The following KCNAB2 variants were observed in gnomAD, a reference collection of about 807,000 sequenced individuals.
KCNAB2 encodes the protein voltage-gated potassium channel subunit beta-2.
KCNAB2 carries 29 observed loss-of-function variants against 63.6 expected under a neutral mutation model. The ratio of observed to expected loss-of-function variants is 0.46; its 90% CI spans 0.34 to 0.62. The LOEUF is 0.62. Among genes scored for constraint, KCNAB2 ranks in the 20% least tolerant of loss-of-function variants. The pLI, the probability that KCNAB2 is intolerant of heterozygous loss-of-function variation, is 0.01. For synonymous variants in KCNAB2, 222 were observed against 224.2 expected (o/e 0.99, Z 0.09); for missense variants, 359 against 563.9 (o/e 0.64, Z 3.68).
rs572711102 is a variant in KCNAB2 at position 6,003,937 on chromosome 1, C to G, written c.-53+11149C>G. ...GCTGCCTTTCAAATTGCTGCCGCAG[C>G]GCTGCCTGGCAAGATGTTAATCGTT... On this transcript the variant is annotated intron_variant, in intron 1 of 16. Coordinates refer to the KCNAB2 transcript ENST00000341524. This position sits in a 1 kb window ranked among gnomAD's most constrained non-coding sequence, Gnocchi z 4.1. 3.9e-5 allele frequency among the ~76,000 whole-genome samples: 6 copies of G among 152,326 alleles called. No individual in the cohort carries two copies. The highest frequency in any genetic ancestry group is 1.4e-4 in the African/African-American group (6 of 41,564).
rs146910934 is a variant in KCNAB2, at chr1:6,097,273, G to C, written c.1074G>C (p.Trp358Cys). Residue 358 changes from tryptophan (W) to cysteine (C), a missense_variant, in exon 15 of 16, where the codon TGG becomes TGC. Transcript: ENST00000378083. ...GCTLPQLAIA[W>C]CLRNEGVSSV... ...CCTTGGGTCTCGCCGCCACAGCCTG[G>C]TGCCTGAGGAATGAGGGAGTCAGCT... is the stretch of plus-strand genomic sequence containing the variant. 1.9e-6 allele frequency: 3 copies of C among 1,545,816 alleles called. No homozygotes were observed. Among genetic ancestry groups the C allele is most frequent in the Non-Finnish European group, 2.6e-6 (3 of 1,143,308 alleles).
intron 1 of KCNAB2, among the ~76,000 whole-genome samples, chr1:5,998,747 C>T (rs1016690800): frequency 3.3e-5 from 5 of 152,166 alleles, no homozygotes; most frequent in African/African-American, 1.2e-4. Context: ...AGCGAGGGGG[C>T]GCAGGACCCC....
chr1:6,007,201 T>TG (rs34064079), intron 1 of KCNAB2, among the ~76,000 whole-genome samples: 69,407 of 151,896 alleles, frequency 0.46, 16,165 homozygotes, highest in East Asian at 0.59. Flanking sequence ...AGTCACTGCA[T>TG]GGGGGGGGCT....
intron 1 of KCNAB2, among the ~76,000 whole-genome samples, chr1:6,001,489 G>C (rs1046227187): frequency 6.6e-6 from 1 of 152,148 alleles, no homozygotes; most frequent in Non-Finnish European, 1.5e-5. Flanking sequence ...TGATAATCAT[G>C]ATCACCGGTT....
chr1:6,100,263 C>T lies in KCNAB2; in HGVS notation c.*1689C>T. 3.6e-6 allele frequency: 2 copies of T among 557,182 alleles called. No individual in the cohort carries two copies. Among genetic ancestry groups the T allele is most frequent in the South Asian group, 4.1e-5 (1 of 24,368 alleles). 34.5% of individuals were successfully genotyped at this position (557,182 alleles called of 1,614,324 possible). A position where few individuals can be genotyped will look rare whatever the true frequency, so the allele number is the denominator to read the frequency against. On this transcript the variant is annotated 3_prime_UTR_variant, in exon 16 of 16. Coordinates refer to ENST00000378083, the MANE Select transcript of KCNAB2 (RefSeq NM_001199862.2). ...GCTTCTGCTATTACCGACCCCCCTTCATGCTGCCCCTGGCGCCTAGAACCC... is the reference window on the plus strand; with the variant it reads ...GCTTCTGCTATTACCGACCCCCCTTTATGCTGCCCCTGGCGCCTAGAACCC...
chr1:6,079,708 T>C (rs1664036173), intron 4 of KCNAB2, among the ~76,000 whole-genome samples: 1 of 152,072 alleles, frequency 6.6e-6, no homozygotes, highest in Admixed American at 6.5e-5. Context: ...GTGCTGGGGC[T>C]GGAGGCAGGG....
chr1:6,027,843 A>C (rs1178588718), intron 1 of KCNAB2, among the ~76,000 whole-genome samples: 2 of 152,230 alleles, frequency 1.3e-5, no homozygotes, highest in African/African-American at 4.8e-5. Flanking sequence ...CCCTCGGCTC[A>C]GGCCTCAGGA....
At chr1:6,010,818 G>A (rs1198661856) in intron 1 of KCNAB2, among the ~76,000 whole-genome samples, 1 of 152,176 alleles carries the variant, frequency 6.6e-6, no homozygotes, top group Admixed American at 6.5e-5. Context: ...CTCGAGTGTT[G>A]AAGATTTAAC....
intron 13 of KCNAB2, 34 bp downstream of exon 13, chr1:6,095,658 G>A (rs1665557443): frequency 6.3e-7 from 1 of 1,599,832 alleles, no homozygotes; most frequent in East Asian, 2.2e-5. Flanking sequence ...GGGACGGGCA[G>A]GGGATAGGCA....
Position 6,094,434 on chromosome 1 carries a change from G to A in KCNAB2, c.681G>A (p.Gln227=). 6.2e-7 allele frequency: 1 copy of A among 1,612,146 alleles called. No homozygotes were observed. Among genetic ancestry groups the A allele is most frequent in the Non-Finnish European group, 8.5e-7 (1 of 1,179,618 alleles). ...TVRAMTHVIN[Q]GMAMYWGTSR... Reference sequence around the variant, plus strand: ...GCGCCATGACCCACGTCATCAACCAGGGGATGGCCATGTACTGGGGCACGT... The same window carrying A: ...GCGCCATGACCCACGTCATCAACCAAGGGATGGCCATGTACTGGGGCACGT... The change falls in exon 11 of 16, where the codon CAG becomes CAA. Residue 227 remains glutamine (Q), a synonymous_variant. Transcript: ENST00000378083.
At position 6,074,571 on chromosome 1, in the gene KCNAB2, C is replaced by G. The variant is rs1466065737; in HGVS notation, c.300+801C>G. ...ATTGATCAGCGAATTGATGTGAGAC[C>G]TTGTTAGCTGCGATTGCTCAGTTTC... On this transcript the variant is annotated intron_variant, in intron 4 of 15. Coordinates refer to ENST00000378083, the MANE Select transcript of KCNAB2 (RefSeq NM_001199862.2). This position sits in a 1 kb window ranked among gnomAD's most constrained non-coding sequence, Gnocchi z 4.9. 6.6e-6 allele frequency among the ~76,000 whole-genome samples: 1 copy of G among 152,216 alleles called. No homozygotes were observed. The highest frequency in any genetic ancestry group is 1.5e-5 in the Non-Finnish European group (1 of 68,042).
intron 15 of KCNAB2, chr1:6,097,615 G>A (rs1477820110): frequency 1.6e-6 from 1 of 640,494 alleles, no homozygotes; most frequent in East Asian, 2.8e-5. Flanking sequence ...ATAAAGGGAG[G>A]GAGCTGGGGC....
intron 2 of KCNAB2, among the ~76,000 whole-genome samples, chr1:6,059,337 C>T (rs1027052113): frequency 4.6e-5 from 7 of 152,216 alleles, no homozygotes; most frequent in Admixed American, 6.5e-5. Context: ...ACCACAGGTG[C>T]GCACCACCAC....
chr1:6,056,244 C>G (rs1476268980), intron 2 of KCNAB2, among the ~76,000 whole-genome samples: 2 of 152,062 alleles, frequency 1.3e-5, no homozygotes, highest in Admixed American at 1.3e-4. Context: ...GGGGTTTCAC[C>G]ACGTTGGCCA....
upstream of KCNAB2, among the ~76,000 whole-genome samples, chr1:6,031,287 CAG>C (rs1659608681): frequency 6.6e-6 from 1 of 152,200 alleles, no homozygotes; most frequent in African/African-American, 2.4e-5. This position sits in a 1 kb window ranked among gnomAD's most constrained non-coding sequence, Gnocchi z 4.1. Context: ...GTGGCTCCGA[CAG>C]GGTACAGATT....
At chr1:6,040,535 A>C in exon 2 of KCNAB2, 1 of 1,601,176 alleles carries the variant, frequency 6.2e-7, no homozygotes, top group Non-Finnish European at 8.6e-7. Flanking sequence ...CACTGTAAAA[A>C]ACCGAGCAAG....
chr1:6,096,525 C>G lies in KCNAB2; in HGVS notation c.949-111C>G. 7.2e-7 allele frequency: 1 copy of G among 1,382,046 alleles called. No individual in the cohort carries two copies. The allele number at this position is 1,382,046 out of a possible 1,614,324, so 85.6% of individuals were successfully genotyped here. ...CCCTGGCTTCAAGATGAGAAGAGCC[C>G]CTATGAGGGAGAAGGGTCCAGAAGG... On this transcript the variant is annotated intron_variant, in intron 13 of 15. Transcript: ENST00000378083. The surrounding 1 kb of genome is among the most constrained non-coding windows in gnomAD (Gnocchi z 5.9).
Position 5,994,441 on chromosome 1 carries a change from C to G in KCNAB2, c.-53+1653C>G, listed in dbSNP as rs775936727. ...CTGTCATTGTCTCCACGGCCACACT[C>G]GGCCTCAGTGGCACTGACAGTGTTC... On this transcript the variant is annotated intron_variant, in intron 1 of 16. Coordinates refer to the KCNAB2 transcript ENST00000341524. The surrounding 1 kb of genome is among the most constrained non-coding windows in gnomAD (Gnocchi z 5.4). Among the ~76,000 whole-genome samples the G allele has an allele frequency of 2.2e-4, 33 of 152,332 alleles. No individual in the cohort carries two copies. Among genetic ancestry groups the G allele is most frequent in the South Asian group, 4.1e-4 (2 of 4,822 alleles).
intron 8 of KCNAB2, 89 bp downstream of exon 8, chr1:6,089,140 C>T: frequency 7.4e-7 from 1 of 1,356,200 alleles, no homozygotes; most frequent in African/African-American, 1.4e-5. Context: ...GCCCGACCCC[C>T]CCAGTTAACC....
Sources: gnomAD v4.1 joint callset for allele counts (sites outside exome capture counted in the v4.1 genomes callset) on GRCh38, gnomAD v4.1.1 for gene constraint, Gnocchi (gnomAD v3.1) non-coding constraint, MANE v1.5 for transcripts, NCBI Gene and HGNC (gene_info 2026-07-23, HGNC 2026-07-21) for gene names.